The following MAP2 variants were observed in gnomAD, a reference collection of about 807,000 sequenced individuals.
The protein encoded by MAP2 is microtubule-associated protein 2.
In MAP2, 14 loss-of-function variants were observed where a neutral mutation model predicts 137.6. The observed-to-expected ratio is 0.10, with a 90% confidence interval of 0.07 to 0.16. The LOEUF is 0.16. Ranked by LOEUF, MAP2 falls within the 10% of genes least tolerant of loss-of-function variation. MAP2 has a pLI of 1.00. For missense variants in MAP2, 2,088 were observed against 2,191.5 expected, an observed-to-expected ratio of 0.95 and a Z score of 0.94; for synonymous variants, 786 against 782.3, an observed-to-expected ratio of 1.00 and a Z score of -0.08.
intron 4 of MAP2, among the ~76,000 whole-genome samples, chr2:209,641,607 G>A (rs1226739413): frequency 6.7e-6 from 1 of 150,188 alleles, no homozygotes; most frequent in Non-Finnish European, 1.5e-5. Context: ...TTTTCTGATT[G>A]AAAATCTGTT....
chr2:209,647,490 A>C (rs981830632), intron 4 of MAP2, among the ~76,000 whole-genome samples: 9 of 152,240 alleles, frequency 5.9e-5, no homozygotes, highest in Non-Finnish European at 1.3e-4. Flanking sequence ...CTTGAAATTT[A>C]AGCTCTAGAA....
At position 209,500,391 on chromosome 2, in the gene MAP2, G is replaced by A. The variant is rs552541642; in HGVS notation, c.-221-7201G>A. Reference sequence around the variant, plus strand: ...ACACCCCCTGGGCTTTGATTCTTCTGTTACTTTGTTTCTGTGTTGTCCTGT... The same window carrying A: ...ACACCCCCTGGGCTTTGATTCTTCTATTACTTTGTTTCTGTGTTGTCCTGT... On this transcript the variant is annotated intron_variant, in intron 1 of 15. Coordinates refer to ENST00000682079, the MANE Select transcript of MAP2 (RefSeq NM_001375505.1). Among the ~76,000 whole-genome samples the A allele has an allele frequency of 2.4e-3, 369 of 152,236 alleles. 1 individual carries two copies. Among genetic ancestry groups the A allele is most frequent in the Non-Finnish European group, 4.1e-3 (279 of 68,004 alleles).
At chr2:209,673,380 C>T (rs1231321180) in intron 5 of MAP2, among the ~76,000 whole-genome samples, 2 of 151,616 alleles carry the variant, frequency 1.3e-5, no homozygotes, top group Non-Finnish European at 3.0e-5. Flanking sequence ...AAAATAATAA[C>T]AAATTAACAT....
intron 2 of MAP2, among the ~76,000 whole-genome samples, chr2:209,534,535 A>G (rs2065661170): frequency 6.6e-6 from 1 of 152,230 alleles, no homozygotes; most frequent in Non-Finnish European, 1.5e-5. Flanking sequence ...CCAAGGTAGC[A>G]TTGCTTACCC....
chr2:209,669,327 T>C lies in MAP2; in HGVS notation c.263-9245T>C, dbSNP rs182438130. ...GATGTATTTTGAACAAAGTGATTTT[T>C]CCCATCACATGGTTCCTAAATTCCA... On this transcript the variant is annotated intron_variant, in intron 5 of 15. Transcript: ENST00000682079. Among the ~76,000 whole-genome samples the C allele has an allele frequency of 4.0e-3, 613 of 152,210 alleles. 12 individuals carry two copies. Among genetic ancestry groups the C allele is most frequent in the Admixed American group, 0.019 (284 of 15,280 alleles).
At position 209,731,771 on chromosome 2, in the gene MAP2, CT is replaced by C. The variant is rs1199730641; in HGVS notation, c.*1375del. 1 of 152,076 alleles carries C rather than the reference CT, an allele frequency of 6.6e-6. No homozygotes were observed. The highest frequency in any genetic ancestry group is 1.5e-5 in the Non-Finnish European group (1 of 68,006). The allele number at this position is 152,076 out of a possible 1,614,324, so 9.4% of individuals were successfully genotyped here. A position where few individuals can be genotyped will look rare whatever the true frequency, so the allele number is the denominator to read the frequency against. On this transcript the variant is annotated 3_prime_UTR_variant, in exon 16 of 16. Transcript: ENST00000682079. ...CTTTCTTACCCAAAGTAAAGATCCC[CT>C]GATCAGAAAGAAAAAATACAATACT...
At chr2:209,434,840 TATATATATG>T (rs1695325948) in intron 1 of MAP2, among the ~76,000 whole-genome samples, 5 of 106,914 alleles carry the variant, frequency 4.7e-5, no homozygotes, top group African/African-American at 1.1e-4. Flanking sequence ...TCTCTATATA[TATATATATG>T]TTATATATAT....
chr2:209,605,108 A>G (rs1048084484), intron 3 of MAP2, among the ~76,000 whole-genome samples: 1 of 152,218 alleles, frequency 6.6e-6, no homozygotes, highest in African/African-American at 2.4e-5. Context: ...TATTTATATA[A>G]AGGTAACTAG....
At chr2:209,585,636 A>G (rs999203812) in intron 3 of MAP2, among the ~76,000 whole-genome samples, 1 of 152,112 alleles carries the variant, frequency 6.6e-6, no homozygotes, top group African/African-American at 2.4e-5. Context: ...ACATTTTGCC[A>G]CCTGCATATT....
At chr2:209,543,438 G>A (rs916669728) in intron 2 of MAP2, among the ~76,000 whole-genome samples, 3 of 152,198 alleles carry the variant, frequency 2.0e-5, no homozygotes, top group African/African-American at 4.8e-5. Flanking sequence ...AAATGGCACC[G>A]ATGGACTTGG....
chr2:209,654,103 A>G (rs1160333145), intron 5 of MAP2, among the ~76,000 whole-genome samples: 1 of 152,234 alleles, frequency 6.6e-6, no homozygotes, highest in Non-Finnish European at 1.5e-5. Context: ...CAAATTGTGC[A>G]CAAAATCATC....
At chr2:209,656,255 C>G (rs975847975) in intron 5 of MAP2, among the ~76,000 whole-genome samples, 1 of 152,114 alleles carries the variant, frequency 6.6e-6, no homozygotes, top group African/African-American at 2.4e-5. Flanking sequence ...GTGGCTCACA[C>G]CTGTAATCCT....
intron 1 of MAP2, 115 bp from the exon 2 acceptor site, chr2:209,507,477 A>C (rs2061219450): frequency 6.6e-6 from 1 of 152,148 alleles, no homozygotes; most frequent in South Asian, 2.1e-4. Flanking sequence ...CAGTCAGTGC[A>C]TTTTATGGAG....
chr2:209,570,103 A>C (rs1272613361), intron 2 of MAP2, among the ~76,000 whole-genome samples: 2 of 151,906 alleles, frequency 1.3e-5, no homozygotes, highest in Non-Finnish European at 3.0e-5. Context: ...TAATTCTGAC[A>C]GTAAAAATCT....
intron 1 of MAP2, among the ~76,000 whole-genome samples, chr2:209,493,531 C>T (rs1157132969): frequency 6.6e-6 from 1 of 152,192 alleles, no homozygotes; most frequent in African/African-American, 2.4e-5. Flanking sequence ...TTTTTGCTAT[C>T]TATCCATCTG....
intron 1 of MAP2, among the ~76,000 whole-genome samples, chr2:209,429,086 T>C (rs1693475225): frequency 2.0e-5 from 3 of 152,002 alleles, no homozygotes; most frequent in South Asian, 4.1e-4. Context: ...CCCGAGTAGC[T>C]GGGACTACAG....
chr2:209,463,288 A>G (rs926102912), intron 1 of MAP2, among the ~76,000 whole-genome samples: 1 of 152,162 alleles, frequency 6.6e-6, no homozygotes, highest in Non-Finnish European at 1.5e-5. Flanking sequence ...AAGTCATGCT[A>G]TTTCTAATTT....
intron 1 of MAP2, among the ~76,000 whole-genome samples, chr2:209,460,039 G>C (rs1702394458): frequency 6.6e-6 from 1 of 152,096 alleles, no homozygotes; most frequent in Non-Finnish European, 1.5e-5. Context: ...CAAATACTTG[G>C]AGATTCAGCT....
chr2:209,474,810 A>G (rs1268409308), intron 1 of MAP2, among the ~76,000 whole-genome samples: 2 of 152,106 alleles, frequency 1.3e-5, no homozygotes, highest in African/African-American at 2.4e-5. Flanking sequence ...ATATGCATAC[A>G]TATATGCAAA....
Sources: allele counts gnomAD v4.1 joint callset (sites outside exome capture counted in the v4.1 genomes callset), GRCh38; gene constraint gnomAD v4.1.1; transcripts MANE v1.5; gene names NCBI Gene and HGNC (gene_info 2026-07-23, HGNC 2026-07-21).